Variants in SNX29 observed in about 807,000 individuals in gnomAD.
The protein encoded by SNX29 is sorting nexin-29.
A neutral mutation model predicts 102.1 loss-of-function variants in SNX29; 78 were observed. That is an observed-to-expected ratio of 0.76 (90% confidence interval 0.64 to 0.92). The LOEUF (loss-of-function observed/expected upper bound fraction) is 0.92. SNX29 is among the 40% of genes least tolerant of loss of function. The pLI is 0.00. For synonymous variants in SNX29, 580 were observed against 414.5 expected, an observed-to-expected ratio of 1.40 and a Z score of -4.85; for missense variants, 1,280 against 1,061.7, an observed-to-expected ratio of 1.21 and a Z score of -2.86.
intron 19 of SNX29, among the ~76,000 whole-genome samples, chr16:12,483,522 G>T (rs998775201): frequency 2.0e-5 from 3 of 151,836 alleles, no homozygotes; most frequent in Non-Finnish European, 2.9e-5. Context: ...TCACCATGTT[G>T]GTCAGGCTGG....
intron 18 of SNX29, among the ~76,000 whole-genome samples, chr16:12,466,641 G>A (rs887632898): frequency 6.6e-6 from 1 of 152,164 alleles, no homozygotes; most frequent in African/African-American, 2.4e-5. Context: ...ACCTCACCAT[G>A]ATCTACCTGG....
chr16:12,497,435 A>G (rs1274682512), intron 19 of SNX29, among the ~76,000 whole-genome samples: 1 of 152,126 alleles, frequency 6.6e-6, no homozygotes, highest in Non-Finnish European at 1.5e-5. Context: ...AGCACACGGG[A>G]GAGTGTATCA....
intron 11 of SNX29, among the ~76,000 whole-genome samples, chr16:12,094,576 C>G (rs1641850): frequency 0.68 from 102,685 of 152,042 alleles, 36,316 homozygotes; most frequent in East Asian, 0.92. Context: ...GAAGTGATCA[C>G]GCAGGATGGT....
At chr16:12,301,839 C>A (rs924261352) in intron 15 of SNX29, among the ~76,000 whole-genome samples, 3 of 152,174 alleles carry the variant, frequency 2.0e-5, no homozygotes, top group African/African-American at 7.2e-5. Flanking sequence ...AGATTTTAAT[C>A]CTTCTCAGAG....
chr16:12,099,011 G>A (rs1405903215), intron 11 of SNX29, among the ~76,000 whole-genome samples: 1 of 152,148 alleles, frequency 6.6e-6, no homozygotes, highest in Non-Finnish European at 1.5e-5. Flanking sequence ...CTGGGGAGTG[G>A]GGACCTACTT....
chr16:12,161,430 C>T (rs2055781692), intron 13 of SNX29, among the ~76,000 whole-genome samples: 2 of 152,344 alleles, frequency 1.3e-5, no homozygotes, highest in South Asian at 2.1e-4. Flanking sequence ...TCTCGTCTTC[C>T]TCTCTGCTGG....
intron 20 of SNX29, among the ~76,000 whole-genome samples, chr16:12,553,856 G>A (rs985617675): frequency 6.6e-6 from 1 of 151,738 alleles, no homozygotes; most frequent in Non-Finnish European, 1.5e-5. Context: ...GAAAGTGCTG[G>A]GATTTCAGAT....
intron 20 of SNX29, among the ~76,000 whole-genome samples, chr16:12,548,723 C>G (rs1011211572): frequency 2.6e-5 from 4 of 152,132 alleles, no homozygotes; most frequent in Admixed American, 6.5e-5. Context: ...AGGAGGGGTA[C>G]ATCCAGGGCT....
At chr16:12,162,283 C>G (rs1309215377) in intron 13 of SNX29, among the ~76,000 whole-genome samples, 1 of 152,204 alleles carries the variant, frequency 6.6e-6, no homozygotes, top group African/African-American at 2.4e-5. Flanking sequence ...ATCGTCCATC[C>G]TAGTACCATG....
chr16:12,101,762 A>G (rs2053032129), intron 11 of SNX29, among the ~76,000 whole-genome samples: 1 of 152,124 alleles, frequency 6.6e-6, no homozygotes, highest in South Asian at 2.1e-4. Flanking sequence ...TGAAAAAGGA[A>G]AGTATCTTTT....
chr16:12,568,304 TAAAA>T (rs34750195), intron 20 of SNX29, among the ~76,000 whole-genome samples, 198 bp from the exon 21 acceptor site: 5 of 146,340 alleles, frequency 3.4e-5, no homozygotes, highest in Admixed American at 1.4e-4. Context: ...GGAGTGCTGT[TAAAA>T]AAAAAAAAAT....
chr16:12,563,959 G>T (rs1276776763), intron 20 of SNX29, among the ~76,000 whole-genome samples: 1 of 151,720 alleles, frequency 6.6e-6, no homozygotes, highest in African/African-American at 2.4e-5. Context: ...GAAAGACGAG[G>T]AAGGGCTTTT....
chr16:12,144,518 T>C (rs1373722469), intron 13 of SNX29, among the ~76,000 whole-genome samples: 1 of 152,206 alleles, frequency 6.6e-6, no homozygotes, highest in East Asian at 1.9e-4. Flanking sequence ...CATGCTGTTA[T>C]AAAAGGGCTA....
At chr16:12,013,782 T>C (rs2056757986) in intron 3 of SNX29, among the ~76,000 whole-genome samples, 1 of 150,882 alleles carries the variant, frequency 6.6e-6, no homozygotes, top group Admixed American at 6.6e-5. Flanking sequence ...GTAGCTGGGA[T>C]TACAGGTACA....
At chr16:12,158,195 T>A (rs560200580) in intron 13 of SNX29, among the ~76,000 whole-genome samples, 10 of 151,992 alleles carry the variant, frequency 6.6e-5, no homozygotes, top group Non-Finnish European at 8.8e-5. Context: ...TTAATTTTTT[T>A]AATTTTTTTA....
At chr16:12,492,022 T>G (rs1340450731) in intron 19 of SNX29, among the ~76,000 whole-genome samples, 1 of 152,208 alleles carries the variant, frequency 6.6e-6, no homozygotes, top group East Asian at 1.9e-4. Context: ...CAGCATGATT[T>G]ATAATCCTTT....
chr16:12,307,838 C>G (rs2080388771), intron 15 of SNX29, among the ~76,000 whole-genome samples: 1 of 152,238 alleles, frequency 6.6e-6, no homozygotes, highest in African/African-American at 2.4e-5. Context: ...CCCTGAGATC[C>G]TCTCATGGTG....
At chr16:12,204,915 G>A (rs912978751) in intron 14 of SNX29, among the ~76,000 whole-genome samples, 1 of 151,914 alleles carries the variant, frequency 6.6e-6, no homozygotes, top group African/African-American at 2.4e-5. Context: ...CCTGGGGTGA[G>A]CCCAGTGATT....
rs1232030761 is a variant in SNX29 at position 12,273,001 on chromosome 16, A to G, written c.1679-4932A>G. ...GGTTAGATCAGTATTCAGTGATTAC[A>G]TTATTATAACTGGAAATGCTATCTA... On this transcript the variant is annotated intron_variant, in intron 14 of 20. Transcript: ENST00000566228. Among the ~76,000 whole-genome samples the G allele has an allele frequency of 7.2e-5, 11 of 152,228 alleles. No individual in the cohort carries two copies. The South Asian group carries it at 2.3e-3, about 31-fold the overall frequency.
Sources: gnomAD v4.1 joint callset for allele counts (sites outside exome capture counted in the v4.1 genomes callset) on GRCh38, gnomAD v4.1.1 for gene constraint, MANE v1.5 for transcripts, NCBI Gene and HGNC (gene_info 2026-07-23, HGNC 2026-07-21) for gene names.